RYR2: variants seen among roughly 807,000 people sequenced by gnomAD.
RYR2 encodes the protein cardiac muscle ryanodine receptor-calcium release channel.
Under a neutral mutation model 601.1 loss-of-function variants are expected in RYR2, and 227 were observed. The observed-to-expected ratio is 0.38, with a 90% CI of 0.34 to 0.42. RYR2 has a LOEUF of 0.42. RYR2 is among the 10% of genes least tolerant of loss of function. RYR2 has a pLI of 1.00. For missense variants in RYR2, 4,646 were observed against 6,156.5 expected (o/e 0.75, Z 8.21); for synonymous variants, 2,223 against 2,175.1 (o/e 1.02, Z -0.61).
chr1:237,825,920 G>GCTCA (rs1663038465), intron 101 of RYR2, among the ~76,000 whole-genome samples: 1 of 151,518 alleles, frequency 6.6e-6, no homozygotes, highest in Non-Finnish European at 1.5e-5. Context: ...TGAAAAATAG[G>GCTCA]TCATCACTGG....
rs10925475 is a variant in RYR2, at chr1:237,616,457, A to G, written c.5716-829A>G. On this transcript the variant is annotated intron_variant, in intron 37 of 104. Transcript: ENST00000366574. ...TTTCTAGAATTGGTACAGCAGTTCA[A>G]TGATCTCATCCATAACCCAGATCTT... 2.3e-3 allele frequency among the ~76,000 whole-genome samples: 353 copies of G among 152,324 alleles called. 3 individuals carry two copies. The highest frequency in any genetic ancestry group is 7.9e-3 in the African/African-American group (330 of 41,588).
intron 16 of RYR2, 117 bp from the exon 17 acceptor site, chr1:237,468,975 T>C (rs912199639): frequency 1.4e-6 from 1 of 694,188 alleles, no homozygotes; most frequent in African/African-American, 1.9e-5. Flanking sequence ...CATAAGTTTT[T>C]AGATGTAACA....
chr1:237,766,259 T>G (rs2149295389), intron 84 of RYR2, among the ~76,000 whole-genome samples: 1 of 152,314 alleles, frequency 6.6e-6, no homozygotes, highest in African/African-American at 2.4e-5. Context: ...ATGTGTATTG[T>G]TAAATGATCC....
At chr1:237,760,503 T>TA (rs1043958518) in intron 83 of RYR2, among the ~76,000 whole-genome samples, 2 of 152,184 alleles carry the variant, frequency 1.3e-5, no homozygotes. Flanking sequence ...TAGGAGCTTG[T>TA]AGGCCATTTC....
chr1:237,657,897 G>T, intron 53 of RYR2, 47 bp from the exon 54 acceptor site: 1 of 1,047,160 alleles, frequency 9.5e-7, no homozygotes, highest in South Asian at 1.6e-5. Context: ...ATGATTTCCT[G>T]TAAATTCTGT....
rs1011095512 is a variant in RYR2 at position 237,723,210 on chromosome 1, A to G, written c.10637A>G (p.Lys3546Arg). ...ACTGATGATACCTCAGATCCAGAGA[A>G]GACGGTAGAAAGAGTATTGGATATA... is the stretch of plus-strand genomic sequence containing the variant. ...NRTDDTSDPEKTVERVLDIAN... is the reference protein window; with the variant it reads ...NRTDDTSDPERTVERVLDIAN... Residue 3546 changes from lysine (K) to arginine (R), a missense_variant, in exon 74 of 105, where the codon AAG becomes AGG. Physicochemically the swap from Lys to Arg is conservative, Grantham distance 26. This residue lies in a region of RYR2 where 1,497 missense variants were observed against 1,842.6 expected (regional missense o/e 0.81). Coordinates refer to ENST00000366574, the MANE Select transcript of RYR2 (RefSeq NM_001035.3). 4.2e-5 allele frequency: 68 copies of G among 1,611,682 alleles called. No homozygotes were observed. The highest frequency in any genetic ancestry group is 5.8e-5 in the Non-Finnish European group (68 of 1,178,048).
intron 62 of RYR2, among the ~76,000 whole-genome samples, chr1:237,687,171 G>A (rs1005096513): frequency 6.6e-6 from 1 of 151,680 alleles, no homozygotes; most frequent in Non-Finnish European, 1.5e-5. Context: ...ATATTAATTA[G>A]CTTTGCTTTC....
chr1:237,164,767 C>T (rs1413531134), intron 1 of RYR2, among the ~76,000 whole-genome samples: 1 of 152,164 alleles, frequency 6.6e-6, no homozygotes, highest in Non-Finnish European at 1.5e-5. Flanking sequence ...CAATCCAGTT[C>T]AGGCCAGACC....
intron 16 of RYR2, among the ~76,000 whole-genome samples, chr1:237,467,202 T>C (rs1660179989): frequency 6.8e-6 from 1 of 148,128 alleles, no homozygotes; most frequent in Admixed American, 6.8e-5. Context: ...ACCTATATAA[T>C]TTTAGATAAT....
At chr1:237,782,722 C>T (rs997655313) in intron 89 of RYR2, among the ~76,000 whole-genome samples, 4 of 152,198 alleles carry the variant, frequency 2.6e-5, no homozygotes, top group Non-Finnish European at 5.9e-5. Flanking sequence ...AGCCTCATAA[C>T]GTGCCAGATA....
intron 14 of RYR2, 121 bp from the exon 15 acceptor site, chr1:237,454,270 C>T: frequency 1.0e-6 from 1 of 987,372 alleles, no homozygotes; most frequent in Admixed American, 2.9e-5. Context: ...GAGGACCTTT[C>T]TGACATGTCC....
intron 10 of RYR2, among the ~76,000 whole-genome samples, chr1:237,392,224 A>G (rs1307137595): frequency 1.3e-5 from 2 of 152,128 alleles, no homozygotes; most frequent in Admixed American, 6.6e-5. Flanking sequence ...CTTGTCAATC[A>G]TGTTTTAATT....
chr1:237,286,579 T>C (rs1691592280), intron 2 of RYR2, among the ~76,000 whole-genome samples: 1 of 16,574 alleles, frequency 6.0e-5, no homozygotes, highest in Non-Finnish European at 1.3e-4. Flanking sequence ...CTCCTTTAAC[T>C]GTTGTTGCTT....
At chr1:237,505,095 C>T in intron 22 of RYR2, among the ~76,000 whole-genome samples, 1 of 152,168 alleles carries the variant, frequency 6.6e-6, no homozygotes, top group East Asian at 1.9e-4. Flanking sequence ...ATCATGAACT[C>T]TAGAGTCAAA....
At chr1:237,138,892 C>G (rs1033342305) in intron 1 of RYR2, among the ~76,000 whole-genome samples, 3 of 152,152 alleles carry the variant, frequency 2.0e-5, no homozygotes, top group Non-Finnish European at 4.4e-5. Context: ...TAAAGGCAGA[C>G]AAGTGTTGTC....
intron 29 of RYR2, among the ~76,000 whole-genome samples, chr1:237,572,584 T>C (rs1292361895): frequency 1.3e-5 from 2 of 152,212 alleles, no homozygotes; most frequent in East Asian, 3.8e-4. Context: ...TTGAACTTTG[T>C]ATTGGTATCT....
chr1:237,691,193 C>T (rs1047329608), intron 63 of RYR2, among the ~76,000 whole-genome samples: 1 of 151,982 alleles, frequency 6.6e-6, no homozygotes, highest in Non-Finnish European at 1.5e-5. Context: ...TTTTTCATGA[C>T]CTAAACCTAA....
chr1:237,804,663 G>A (rs547326013), intron 98 of RYR2, among the ~76,000 whole-genome samples: 18 of 152,236 alleles, frequency 1.2e-4, no homozygotes, highest in African/African-American at 3.4e-4. Context: ...TTCTACAACA[G>A]TACCAATAGT....
At chr1:237,798,415 T>TTTA (rs58907170) in intron 97 of RYR2, among the ~76,000 whole-genome samples, 2 of 151,892 alleles carry the variant, frequency 1.3e-5, no homozygotes, top group African/African-American at 4.8e-5. Context: ...AGAAAGACTA[T>TTTA]GTTTTTTACT....
Sources: gnomAD v4.1 joint callset for allele counts (sites outside exome capture counted in the v4.1 genomes callset) on GRCh38, gnomAD v4.1.1 for gene constraint, gnomAD v4.1.1 regional missense constraint, MANE v1.5 for transcripts, NCBI Gene and HGNC (gene_info 2026-07-23, HGNC 2026-07-21) for gene names.